TMPRSS11F: variants seen among roughly 807,000 people sequenced by gnomAD.
TMPRSS11F encodes the protein transmembrane serine protease 11F, also known as transmembrane protease serine 11F.
TMPRSS11F carries 47 observed loss-of-function variants against 60.2 expected under a neutral mutation model. The ratio of observed to expected loss-of-function variants is 0.78; its 90% CI spans 0.62 to 1.00. The LOEUF is 1.00. Among genes scored for constraint, TMPRSS11F ranks in the 50% least tolerant of loss-of-function variants. TMPRSS11F has a pLI of 0.00. For synonymous variants in TMPRSS11F, 166 were observed against 167.3 expected, an observed-to-expected ratio of 0.99 and a Z score of 0.06; for missense variants, 519 against 522.9, an observed-to-expected ratio of 0.99 and a Z score of 0.07.
chr4:68,117,467 C>CAAA (rs55708045), intron 1 of TMPRSS11F, among the ~76,000 whole-genome samples: 3 of 51,394 alleles, frequency 5.8e-5, no homozygotes, highest in African/African-American at 1.1e-4. Context: ...GACTCTGTCT[C>CAAA]AAAAAAAAAA....
rs1365059414 is a variant in TMPRSS11F, at chr4:68,090,537, G to A, written c.268C>T (p.Gln90Ter). The change falls in exon 3 of 10, where the codon CAG (glutamine) becomes TAG (stop). Residue 90 changes from glutamine to a stop codon, truncating the protein, a stop_gained. Coordinates refer to ENST00000356291, the MANE Select transcript of TMPRSS11F (RefSeq NM_207407.2). LOFTEE classifies it high-confidence loss of function. ...SSREFIERSH[Q>*]IERMMSRIFR... ...GTTGAGCTTACCATTCTTTCAATCT[G>A]ATGACTCCTTTCTATAAACTCTCTT... is the stretch of plus-strand genomic sequence containing the variant. 6.3e-7 allele frequency: 1 copy of A among 1,588,662 alleles called. No homozygotes were observed. Among genetic ancestry groups the A allele is most frequent in the Non-Finnish European group, 8.6e-7 (1 of 1,169,320 alleles).
At chr4:68,129,385 G>C (rs1260123726) in intron 1 of TMPRSS11F, among the ~76,000 whole-genome samples, 3 of 151,820 alleles carry the variant, frequency 2.0e-5, no homozygotes, top group Non-Finnish European at 4.4e-5. Flanking sequence ...AATTCTAGTA[G>C]ACTCTCCTCT....
chr4:68,075,782 CAGG>C (rs1392999688), intron 3 of TMPRSS11F, among the ~76,000 whole-genome samples: 1 of 152,080 alleles, frequency 6.6e-6, no homozygotes, highest in Non-Finnish European at 1.5e-5. Flanking sequence ...ATCATGAGGT[CAGG>C]AGATCGAGAC....
chr4:68,099,494 G>T (rs1405801811), intron 1 of TMPRSS11F, among the ~76,000 whole-genome samples: 1 of 152,114 alleles, frequency 6.6e-6, no homozygotes, highest in Non-Finnish European at 1.5e-5. Flanking sequence ...TACTTAGTAA[G>T]ATTCCACCAC....
At chr4:68,055,702 T>C (rs530754877) in intron 9 of TMPRSS11F, among the ~76,000 whole-genome samples, 2 of 152,162 alleles carry the variant, frequency 1.3e-5, no homozygotes. Flanking sequence ...TAAGAAGGAA[T>C]ACTCCCAAAC....
intron 1 of TMPRSS11F, among the ~76,000 whole-genome samples, chr4:68,123,101 T>C (rs1724653529): frequency 6.6e-6 from 1 of 152,208 alleles, no homozygotes; most frequent in Non-Finnish European, 1.5e-5. Flanking sequence ...TTATCTTCTG[T>C]TGCCACAGTT....
chr4:68,064,633 G>T, intron 8 of TMPRSS11F, 52 bp downstream of exon 8: 1 of 1,577,544 alleles, frequency 6.3e-7, no homozygotes. Flanking sequence ...TAGATAGCTC[G>T]TTTGATCTCA....
At chr4:68,095,618 C>A (rs1724056552) in intron 2 of TMPRSS11F, among the ~76,000 whole-genome samples, 1 of 152,106 alleles carries the variant, frequency 6.6e-6, no homozygotes, top group Non-Finnish European at 1.5e-5. Context: ...CATGCCCTGG[C>A]CAGAAGCGGT....
At chr4:68,075,185 T>G (rs905457965) in intron 3 of TMPRSS11F, among the ~76,000 whole-genome samples, 7 of 152,170 alleles carry the variant, frequency 4.6e-5, no homozygotes, top group African/African-American at 1.4e-4. Flanking sequence ...TAATGCCCAG[T>G]AGACTTTACC....
intron 5 of TMPRSS11F, among the ~76,000 whole-genome samples, chr4:68,070,555 G>A (rs987659017): frequency 1.3e-5 from 2 of 152,208 alleles, no homozygotes; most frequent in Non-Finnish European, 2.9e-5. Flanking sequence ...TCTTGTGAAT[G>A]GCTTGGATGG....
chr4:68,064,831 T>C lies in TMPRSS11F; in HGVS notation c.869A>G (p.Asn290Ser). 2 of 1,614,190 alleles carry C rather than the reference T, an allele frequency of 1.2e-6. No homozygotes were observed. The highest frequency in any genetic ancestry group is 1.7e-6 in the Non-Finnish European group (2 of 1,180,020). The change falls in exon 8 of 10, where the codon AAT becomes AGT. Residue 290 changes from asparagine (N) to serine (S), a missense_variant. Coordinates refer to ENST00000356291, the MANE Select transcript of TMPRSS11F (RefSeq NM_207407.2). ...CTGAACCAAAGCAATGTCATTTTCA[T>C]TTGTTTCTCTATGGTAATTCTCATG... is the stretch of plus-strand genomic sequence containing the variant. ...ILHENYHRETNENDIALVQLS... is the reference protein window; with the variant it reads ...ILHENYHRETSENDIALVQLS...
chr4:68,069,896 C>A, intron 6 of TMPRSS11F, 73 bp downstream of exon 6: 2 of 1,306,116 alleles, frequency 1.5e-6, no homozygotes, highest in Non-Finnish European at 2.1e-6. Flanking sequence ...AACTTTACTG[C>A]CAACTTTTCT....
At chr4:68,123,470 G>A (rs1577939090) in intron 1 of TMPRSS11F, among the ~76,000 whole-genome samples, 1 of 152,134 alleles carries the variant, frequency 6.6e-6, no homozygotes, top group Non-Finnish European at 1.5e-5. Context: ...AATATCCGAA[G>A]AGCCCAACCA....
intron 5 of TMPRSS11F, among the ~76,000 whole-genome samples, chr4:68,071,600 G>A (rs564397887): frequency 2.6e-5 from 4 of 152,112 alleles, no homozygotes; most frequent in Non-Finnish European, 5.9e-5. Flanking sequence ...TATTTGAAAC[G>A]CATTATTTTA....
intron 1 of TMPRSS11F, among the ~76,000 whole-genome samples, chr4:68,123,087 T>C (rs984164492): frequency 6.6e-6 from 1 of 152,198 alleles, no homozygotes; most frequent in East Asian, 1.9e-4. Flanking sequence ...CAGCTAATAA[T>C]CCATTATCTT....
At chr4:68,066,673 C>T (rs1426573948) in intron 7 of TMPRSS11F, among the ~76,000 whole-genome samples, 7 of 152,136 alleles carry the variant, frequency 4.6e-5, no homozygotes, top group African/African-American at 7.2e-5. Flanking sequence ...CGGTGGTTCA[C>T]GCCTATAATC....
At chr4:68,108,862 G>A (rs1724353739) in intron 1 of TMPRSS11F, among the ~76,000 whole-genome samples, 1 of 152,150 alleles carries the variant, frequency 6.6e-6, no homozygotes, top group Admixed American at 6.5e-5. Flanking sequence ...TGGGGGTAGG[G>A]ATTTGAAGGA....
intron 2 of TMPRSS11F, among the ~76,000 whole-genome samples, chr4:68,095,327 A>G (rs950800724): frequency 2.6e-5 from 4 of 152,132 alleles, no homozygotes; most frequent in Admixed American, 2.6e-4. Context: ...CAATAAGAAA[A>G]AACAGATGAC....
chr4:68,059,591 A>G (rs1723114720), intron 8 of TMPRSS11F, 123 bp from the exon 9 acceptor site: 3 of 963,286 alleles, frequency 3.1e-6, no homozygotes, highest in African/African-American at 1.6e-5. Flanking sequence ...ATTAGCTATC[A>G]TCTTATTTTC....
Sources: allele counts gnomAD v4.1 joint callset (sites outside exome capture counted in the v4.1 genomes callset), GRCh38; gene constraint gnomAD v4.1.1; transcripts MANE v1.5; gene names NCBI Gene and HGNC (gene_info 2026-07-23, HGNC 2026-07-21).